The following LDLRAP1 variants were observed in gnomAD, a reference collection of about 807,000 sequenced individuals.
LDLRAP1 encodes low density lipoprotein receptor adapter protein 1.
Under a neutral mutation model 37.8 loss-of-function variants are expected in LDLRAP1, and 30 were observed. The ratio of observed to expected loss-of-function variants is 0.79; its 90% CI spans 0.59 to 1.08. The LOEUF is 1.08. LDLRAP1 is among the 50% of genes least tolerant of loss of function. The probability of loss-of-function intolerance (pLI) is 0.00; values close to 1 mark genes in which losing one functional copy is unlikely to be tolerated. For synonymous variants in LDLRAP1, 156 were observed against 169.8 expected (o/e 0.92, Z 0.63); for missense variants, 375 against 401.6 (o/e 0.93, Z 0.57).
chr1:25,560,896 C>G (rs1234246931), intron 4 of LDLRAP1, among the ~76,000 whole-genome samples: 1 of 152,284 alleles, frequency 6.6e-6, no homozygotes, highest in East Asian at 1.9e-4. Flanking sequence ...GCAGCCACCC[C>G]AGGAAGCAGG....
At chr1:25,559,819 G>A (rs545723836) in intron 4 of LDLRAP1, among the ~76,000 whole-genome samples, 2 of 152,222 alleles carry the variant, frequency 1.3e-5, no homozygotes, top group African/African-American at 2.4e-5. Flanking sequence ...GTCAGCCTCC[G>A]CACCTGCTGG....
chr1:25,558,443 G>A (rs745667136), intron 4 of LDLRAP1, among the ~76,000 whole-genome samples: 1 of 152,220 alleles, frequency 6.6e-6, no homozygotes, highest in Non-Finnish European at 1.5e-5. Flanking sequence ...AAACACAAAT[G>A]TATTCTCTTA....
chr1:25,565,108 A>G, intron 7 of LDLRAP1, 65 bp from the exon 8 acceptor site: 1 of 1,563,864 alleles, frequency 6.4e-7, no homozygotes, highest in South Asian at 1.1e-5. Flanking sequence ...GGCTGGGACA[A>G]GCCCCAGCTG....
At chr1:25,547,688 C>G (rs893421324) in intron 1 of LDLRAP1, among the ~76,000 whole-genome samples, 1 of 151,972 alleles carries the variant, frequency 6.6e-6, no homozygotes, top group South Asian at 2.1e-4. Flanking sequence ...CCCCAGTCTG[C>G]GCCAGCCTCA....
intron 4 of LDLRAP1, among the ~76,000 whole-genome samples, chr1:25,560,223 A>AGGATGTTGAGGGCCTTGAATCG (rs1355864556): frequency 2.6e-5 from 4 of 152,050 alleles, no homozygotes; most frequent in African/African-American, 4.8e-5. Context: ...GCCTTGAATC[A>AGGATGTTGAGGGCCTTGAATCG]GGATGTTGAG....
At chr1:25,549,740 G>T (rs1336682458) in intron 1 of LDLRAP1, among the ~76,000 whole-genome samples, 1 of 144,832 alleles carries the variant, frequency 6.9e-6, no homozygotes, top group African/African-American at 2.9e-5. Context: ...GCTGTGGCTG[G>T]CGAGTAGGGC....
At chr1:25,557,334 G>A (rs1241421729) in intron 4 of LDLRAP1, 67 bp downstream of exon 4, 2 of 1,272,436 alleles carry the variant, frequency 1.6e-6, no homozygotes, top group Non-Finnish European at 2.3e-6. Flanking sequence ...TGGGTGGGGG[G>A]CTGTCTGGTG....
chr1:25,575,113 T>G, the LDLRAP1 span, among the ~76,000 whole-genome samples: 2 of 152,316 alleles, frequency 1.3e-5, no homozygotes, highest in East Asian at 3.9e-4. Context: ...AGACCCTTTC[T>G]TCGGGCCGCA....
intron 4 of LDLRAP1, among the ~76,000 whole-genome samples, chr1:25,562,441 A>G (rs747892007): frequency 2.6e-5 from 4 of 152,210 alleles, no homozygotes; most frequent in Non-Finnish European, 4.4e-5. Flanking sequence ...CTATGGCCTT[A>G]TGACACCCCA....
the LDLRAP1 span, among the ~76,000 whole-genome samples, chr1:25,575,423 T>TAAAAAA: frequency 9.5e-4 from 103 of 108,732 alleles, 2 homozygotes; most frequent in African/African-American, 3.1e-3. Context: ...CTGTCTCTAC[T>TAAAAAA]AAAAAAAAAA....
the LDLRAP1 span, among the ~76,000 whole-genome samples, chr1:25,586,566 G>T: frequency 6.7e-6 from 1 of 149,490 alleles, no homozygotes; most frequent in African/African-American, 2.5e-5. This position sits in a 1 kb window ranked among gnomAD's most constrained non-coding sequence, Gnocchi z 4.3. Flanking sequence ...GTGTACGTGC[G>T]TGTGTGTGCG....
At chr1:25,559,973 C>T (rs548773561) in intron 4 of LDLRAP1, among the ~76,000 whole-genome samples, 1 of 151,982 alleles carries the variant, frequency 6.6e-6, no homozygotes, top group South Asian at 2.1e-4. Flanking sequence ...CACTAACTTC[C>T]CTGAAGTTAG....
At chr1:25,582,533 C>A in the LDLRAP1 span, among the ~76,000 whole-genome samples, 1 of 150,382 alleles carries the variant, frequency 6.6e-6, no homozygotes, top group Admixed American at 6.6e-5. Context: ...TGCAGTGATC[C>A]GAGATCGTGC....
chr1:25,564,123 C>G (rs1342847632), intron 7 of LDLRAP1: 3 of 374,020 alleles, frequency 8.0e-6, no homozygotes, highest in Admixed American at 3.8e-5. Flanking sequence ...CCACCCCTCC[C>G]CCTCAGCCGC....
At chr1:25,577,543 G>A in the LDLRAP1 span, among the ~76,000 whole-genome samples, 3 of 152,182 alleles carry the variant, frequency 2.0e-5, no homozygotes, top group East Asian at 1.9e-4. Flanking sequence ...AGAGATGAGC[G>A]TCGAGCCTGG....
chr1:25,545,256 T>G (rs1162193880), intron 1 of LDLRAP1, among the ~76,000 whole-genome samples: 1 of 151,566 alleles, frequency 6.6e-6, no homozygotes, highest in Admixed American at 6.6e-5. Context: ...CCCAGGGAAG[T>G]GGTTTTGAAG....
chr1:25,577,730 C>T, the LDLRAP1 span, among the ~76,000 whole-genome samples: 1 of 152,180 alleles, frequency 6.6e-6, no homozygotes, highest in Non-Finnish European at 1.5e-5. Flanking sequence ...GTGGCAGGCT[C>T]AGGTCCCGGC....
In LDLRAP1 at chr1:25,554,133, C is replaced by G. The variant is rs1261699470; in HGVS notation, c.231+69C>G. 1 of 1,586,864 alleles carries G rather than the reference C, an allele frequency of 6.3e-7. No homozygotes were observed. The highest frequency in any genetic ancestry group is 8.6e-7 in the Non-Finnish European group (1 of 1,164,764). On this transcript the variant is annotated intron_variant, in intron 2 of 8. Transcript: ENST00000374338. This position sits in a 1 kb window ranked among gnomAD's most constrained non-coding sequence, Gnocchi z 5.4. ...GACCAGCTTCTTCCCAGGGTGCCCT[C>G]GTCCCAGCTTGTTACTCCAGTTGGG...
intron 1 of LDLRAP1, among the ~76,000 whole-genome samples, chr1:25,545,491 C>T (rs923454006): frequency 3.9e-5 from 6 of 152,186 alleles, no homozygotes; most frequent in Non-Finnish European, 5.9e-5. Flanking sequence ...AATGCTCCCT[C>T]CTAACTGGTG....
Sources: allele counts gnomAD v4.1 joint callset (sites outside exome capture counted in the v4.1 genomes callset), GRCh38; gene constraint gnomAD v4.1.1; non-coding constraint Gnocchi (gnomAD v3.1); transcripts MANE v1.5; gene names NCBI Gene and HGNC (gene_info 2026-07-23, HGNC 2026-07-21).